PRELID2: variants seen among roughly 807,000 people sequenced by gnomAD.
PRELID2 encodes the protein PRELI domain containing 2, also known as PRELI domain-containing protein 2.
Under a neutral mutation model 28.4 loss-of-function variants are expected in PRELID2, and 25 were observed. The observed-to-expected ratio is 0.88, with a 90% CI of 0.64 to 1.23. The LOEUF is 1.23. Among genes scored for constraint, PRELID2 ranks in the 50% most tolerant of loss-of-function variants. PRELID2 has a pLI of 0.00. For missense variants in PRELID2, 201 were observed against 214.4 expected, an observed-to-expected ratio of 0.94 and a Z score of 0.39; for synonymous variants, 76 against 71.6, an observed-to-expected ratio of 1.06 and a Z score of -0.31.
At chr5:145,528,722 CACACAG>C (rs58556011) in intron 1 of PRELID2, among the ~76,000 whole-genome samples, 45,184 of 123,570 alleles carry the variant, frequency 0.37, 6,786 homozygotes, top group East Asian at 0.7. Flanking sequence ...CACACACACA[CACACAG>C]AGAGAGAGAG....
chr5:145,596,270 C>T lies in PRELID2; in HGVS notation n.71-122955G>A, dbSNP rs116291519. Among the ~76,000 whole-genome samples the T allele has an allele frequency of 5.9e-3, 899 of 152,140 alleles. 12 individuals carry two copies. Among genetic ancestry groups the T allele is most frequent in the African/African-American group, 0.02 (833 of 41,490 alleles). Reference sequence around the variant, plus strand: ...TTATTCAGCTAGCTCTGACTCTCCTCTCCAATTAAGTTTATCAGAAGGGAG... The same window carrying T: ...TTATTCAGCTAGCTCTGACTCTCCTTTCCAATTAAGTTTATCAGAAGGGAG... On this transcript the variant is annotated intron_variant and non_coding_transcript_variant, in intron 1 of 2. Transcript: ENST00000510259.
intron 1 of PRELID2, among the ~76,000 whole-genome samples, chr5:145,604,881 CCA>C (rs1491354240): frequency 1.2e-5 from 1 of 85,688 alleles, no homozygotes; most frequent in African/African-American, 5.8e-5. Context: ...TGCTTGTTGG[CCA>C]TATATATATA....
At chr5:145,356,357 GTAAT>G in the PRELID2 span, among the ~76,000 whole-genome samples, 491 of 151,932 alleles carry the variant, frequency 3.2e-3, 1 homozygote, top group African/African-American at 0.012. Context: ...ATAATCATAA[GTAAT>G]TATTAATAAA....
chr5:145,642,080 G>A (rs980987172), intron 1 of PRELID2, among the ~76,000 whole-genome samples: 19 of 150,624 alleles, frequency 1.3e-4, no homozygotes, highest in Non-Finnish European at 2.5e-4. Flanking sequence ...GATCCTTGAG[G>A]AATCACCACA....
chr5:145,301,683 A>G, the PRELID2 span, among the ~76,000 whole-genome samples: 4 of 152,244 alleles, frequency 2.6e-5, no homozygotes, highest in African/African-American at 9.6e-5. Flanking sequence ...ATTTTTGTAT[A>G]TGGTGTGAAG....
chr5:145,340,060 A>G, the PRELID2 span, among the ~76,000 whole-genome samples: 1 of 151,798 alleles, frequency 6.6e-6, no homozygotes, highest in East Asian at 1.9e-4. Flanking sequence ...CCTTGGGACC[A>G]CTCCACCTCT....
chr5:145,565,396 T>C (rs1295672390), intron 1 of PRELID2, among the ~76,000 whole-genome samples: 1 of 152,246 alleles, frequency 6.6e-6, no homozygotes, highest in East Asian at 1.9e-4. Context: ...TCAAACCAAG[T>C]GTCTTTGCTG....
intron 1 of PRELID2, among the ~76,000 whole-genome samples, chr5:145,716,091 A>G (rs1369725982): frequency 6.6e-6 from 1 of 152,006 alleles, no homozygotes; most frequent in African/African-American, 2.4e-5. Context: ...TGGTAGTATT[A>G]ATGTACTTTA....
the PRELID2 span, among the ~76,000 whole-genome samples, chr5:145,422,719 C>A: frequency 6.6e-6 from 1 of 151,900 alleles, no homozygotes; most frequent in Non-Finnish European, 1.5e-5. Context: ...TTAATTGGAG[C>A]ATTTAGTCCA....
chr5:145,562,761 G>A (rs999539616), intron 1 of PRELID2, among the ~76,000 whole-genome samples: 24 of 151,950 alleles, frequency 1.6e-4, no homozygotes, highest in Non-Finnish European at 2.8e-4. Context: ...CTAGATGTGC[G>A]TTAACAGAGT....
At chr5:145,443,671 T>C in the PRELID2 span, among the ~76,000 whole-genome samples, 3 of 152,068 alleles carry the variant, frequency 2.0e-5, no homozygotes, top group African/African-American at 7.2e-5. Context: ...TTTTCAGGAT[T>C]CCAAAGTGCT....
the PRELID2 span, among the ~76,000 whole-genome samples, chr5:145,366,790 A>C: frequency 6.6e-6 from 1 of 151,928 alleles, no homozygotes; most frequent in Non-Finnish European, 1.5e-5. Context: ...TGGATGACAC[A>C]GGATGAGAGA....
chr5:145,499,817 G>A (rs574788861), intron 1 of PRELID2, among the ~76,000 whole-genome samples: 182 of 152,308 alleles, frequency 1.2e-3, no homozygotes, highest in Non-Finnish European at 2.1e-3. Context: ...CTGCTGCCAC[G>A]TTCTTCAGAA....
chr5:145,293,760 G>A, the PRELID2 span, among the ~76,000 whole-genome samples: 1 of 152,106 alleles, frequency 6.6e-6, no homozygotes, highest in African/African-American at 2.4e-5. Flanking sequence ...AGTCCTACAA[G>A]CATAATAGTG....
intron 1 of PRELID2, among the ~76,000 whole-genome samples, chr5:145,508,711 A>C (rs567046262): frequency 4.6e-5 from 7 of 152,288 alleles, no homozygotes; most frequent in South Asian, 2.1e-4. Flanking sequence ...ACACATTCTT[A>C]CTAAAATAAG....
chr5:145,367,959 C>T, the PRELID2 span, among the ~76,000 whole-genome samples: 3 of 151,902 alleles, frequency 2.0e-5, no homozygotes, highest in Admixed American at 6.6e-5. Flanking sequence ...TAAGGAGCCA[C>T]ATTGCTTAAT....
intron 4 of PRELID2, among the ~76,000 whole-genome samples, chr5:145,805,228 T>C (rs1022455161): frequency 6.6e-6 from 1 of 152,224 alleles, no homozygotes; most frequent in African/African-American, 2.4e-5. Context: ...TTGATCATTC[T>C]TCTTGCATAA....
intron 4 of PRELID2, among the ~76,000 whole-genome samples, chr5:145,799,082 A>C (rs1387266519): frequency 6.6e-6 from 1 of 151,092 alleles, no homozygotes; most frequent in Non-Finnish European, 1.5e-5. Context: ...AAACTGTCAA[A>C]AGTCACAGAA....
At chr5:145,685,040 C>T (rs535587891) in intron 1 of PRELID2, among the ~76,000 whole-genome samples, 1 of 152,298 alleles carries the variant, frequency 6.6e-6, no homozygotes, top group African/African-American at 2.4e-5. Flanking sequence ...AGTCTTGTTG[C>T]TTCTACTTCC....
Sources: allele counts gnomAD v4.1 joint callset (sites outside exome capture counted in the v4.1 genomes callset), GRCh38; gene constraint gnomAD v4.1.1; transcripts MANE v1.5; gene names NCBI Gene and HGNC (gene_info 2026-07-23, HGNC 2026-07-21).